SLCO5A1: variants seen among roughly 807,000 people sequenced by gnomAD.
The protein encoded by SLCO5A1 is solute carrier organic anion transporter family member 5A1.
Under a neutral mutation model 65.1 loss-of-function variants are expected in SLCO5A1, and 39 were observed. That is an observed-to-expected ratio of 0.60 (90% CI 0.46 to 0.78). The LOEUF (loss-of-function observed/expected upper bound fraction) is 0.78, where lower values mean the gene tolerates loss of function less well. SLCO5A1 is among the 30% of genes least tolerant of loss of function. SLCO5A1 has a pLI of 0.00. For synonymous variants in SLCO5A1, 438 were observed against 415.7 expected (o/e 1.05, Z -0.65); for missense variants, 1,029 against 1,069.4 (o/e 0.96, Z 0.53).
intron 2 of SLCO5A1, among the ~76,000 whole-genome samples, chr8:69,822,182 C>G (rs1486347182): frequency 6.6e-6 from 1 of 152,134 alleles, no homozygotes; most frequent in East Asian, 1.9e-4. Flanking sequence ...ATAATTACTT[C>G]CAAGTATGTC....
intron 6 of SLCO5A1, among the ~76,000 whole-genome samples, chr8:69,690,620 G>T (rs538552332): frequency 6.5e-4 from 99 of 152,278 alleles, no homozygotes; most frequent in African/African-American, 2.2e-3. Flanking sequence ...ATGTGGCAAA[G>T]GTCTGAATTA....
At chr8:69,783,928 T>C (rs1340588469) in intron 2 of SLCO5A1, among the ~76,000 whole-genome samples, 1 of 152,122 alleles carries the variant, frequency 6.6e-6, no homozygotes, top group African/African-American at 2.4e-5. Flanking sequence ...GCAATGTAAG[T>C]TCATCACTTG....
At position 69,694,013 on chromosome 8, in the gene SLCO5A1, T is replaced by G. The variant is rs147658652; in HGVS notation, c.1622+11018A>C. 2.5e-3 allele frequency among the ~76,000 whole-genome samples: 376 copies of G among 152,360 alleles called. 1 individual carries two copies. Among genetic ancestry groups the G allele is most frequent in the Non-Finnish European group, 3.9e-3 (264 of 68,038 alleles). On this transcript the variant is annotated intron_variant, in intron 6 of 9. Transcript: ENST00000260126. ...GATGTGAGAGCCACAGAGCAAATGC[T>G]GTAGGCATGCACAGCATGTAGCACG...
At chr8:69,737,689 T>C (rs1413811916) in intron 5 of SLCO5A1, among the ~76,000 whole-genome samples, 2 of 152,002 alleles carry the variant, frequency 1.3e-5, no homozygotes, top group East Asian at 3.9e-4. Flanking sequence ...AGGTTATCAA[T>C]TTTTTTTAAC....
chr8:69,691,034 G>C (rs868777416), intron 6 of SLCO5A1, among the ~76,000 whole-genome samples: 15 of 152,144 alleles, frequency 9.9e-5, no homozygotes, highest in Non-Finnish European at 7.4e-5. Flanking sequence ...AGAAAAGGCA[G>C]AGTGAGGGGC....
At chr8:69,714,364 G>A (rs943073239) in intron 5 of SLCO5A1, among the ~76,000 whole-genome samples, 19 of 152,180 alleles carry the variant, frequency 1.2e-4, no homozygotes, top group African/African-American at 3.4e-4. Flanking sequence ...GCCTGCATGC[G>A]TTGAGCATTT....
intron 2 of SLCO5A1, among the ~76,000 whole-genome samples, chr8:69,803,572 G>A (rs1177088063): frequency 6.6e-6 from 1 of 152,200 alleles, no homozygotes; most frequent in African/African-American, 2.4e-5. Context: ...CCAAACCAGG[G>A]ATATTAGCAT....
intron 4 of SLCO5A1, among the ~76,000 whole-genome samples, chr8:69,751,753 G>T (rs907679080): frequency 2.6e-5 from 4 of 152,116 alleles, no homozygotes; most frequent in Non-Finnish European, 2.9e-5. Context: ...TGCCATGTTG[G>T]CCAGGTTGGT....
intron 5 of SLCO5A1, among the ~76,000 whole-genome samples, chr8:69,715,686 C>A (rs917370161): frequency 6.6e-6 from 1 of 152,138 alleles, no homozygotes; most frequent in Non-Finnish European, 1.5e-5. Context: ...CCACTAAGGC[C>A]AGGTGGAAAT....
chr8:69,755,049 A>G (rs1817482627), intron 4 of SLCO5A1, among the ~76,000 whole-genome samples: 1 of 152,204 alleles, frequency 6.6e-6, no homozygotes, highest in African/African-American at 2.4e-5. Context: ...ATAGTAAATA[A>G]CATATATAGA....
intron 2 of SLCO5A1, among the ~76,000 whole-genome samples, chr8:69,815,647 A>AAC (rs55665513): frequency 0.051 from 7,156 of 141,164 alleles, 232 homozygotes; most frequent in Admixed American, 0.098. Flanking sequence ...GTAAAATATC[A>AAC]ACACACACAC....
At chr8:69,790,906 A>C (rs4360298) in intron 2 of SLCO5A1, among the ~76,000 whole-genome samples, 106,109 of 152,034 alleles carry the variant, frequency 0.7, 38,445 homozygotes, top group African/African-American at 0.91. Flanking sequence ...CCAGAAAGAA[A>C]AAAGGCCAGA....
At chr8:69,805,390 T>G (rs1819949522) in intron 2 of SLCO5A1, among the ~76,000 whole-genome samples, 1 of 152,126 alleles carries the variant, frequency 6.6e-6, no homozygotes, top group Non-Finnish European at 1.5e-5. Flanking sequence ...TCCCCAAGAC[T>G]CAAATAGGCT....
intron 2 of SLCO5A1, among the ~76,000 whole-genome samples, chr8:69,765,928 T>C (rs996877846): frequency 2.0e-5 from 3 of 152,214 alleles, no homozygotes; most frequent in Non-Finnish European, 2.9e-5. Flanking sequence ...CTGTAGACTC[T>C]TTTTTGTCTA....
At chr8:69,825,057 G>A (rs1272690402) in intron 2 of SLCO5A1, among the ~76,000 whole-genome samples, 1 of 152,132 alleles carries the variant, frequency 6.6e-6, no homozygotes, top group Non-Finnish European at 1.5e-5. Context: ...TGCAGAAAAG[G>A]CCTTTGACAA....
rs773508333 is a variant in SLCO5A1 at position 69,705,159 on chromosome 8, A to G, written c.1494T>C (p.Leu498=). Reference sequence around the variant, plus strand: ...CTAGTTTTGCAGATTCTCTGGCACCAAGTTTCAATTTTTTTATAATGTAGC... The same window carrying G: ...CTAGTTTTGCAGATTCTCTGGCACCGAGTTTCAATTTTTTTATAATGTAGC... ...LGGYIIKKLK[L]GARESAKLAM... Residue 498 remains leucine (L), a synonymous_variant, in exon 6 of 10, where the codon CTT becomes CTC. Transcript: ENST00000260126. 6.2e-7 allele frequency: 1 copy of G among 1,614,200 alleles called. No homozygotes were observed. The highest frequency in any genetic ancestry group is 8.5e-7 in the Non-Finnish European group (1 of 1,180,030).
At chr8:69,705,352 C>A (rs759767488) in intron 5 of SLCO5A1, 123 bp from the exon 6 acceptor site, 10 of 744,974 alleles carry the variant, frequency 1.3e-5, no homozygotes, top group Non-Finnish European at 2.0e-5. Context: ...ATCAATACAT[C>A]TTCATTGTGT....
chr8:69,742,794 CT>C (rs10633803), intron 4 of SLCO5A1, among the ~76,000 whole-genome samples: 271 of 83,168 alleles, frequency 3.3e-3, no homozygotes, highest in South Asian at 7.8e-3. Context: ...TGAGTGGATT[CT>C]TTTTTTTTTT....
Position 69,728,812 on chromosome 8 carries a change from C to G in SLCO5A1, c.1423+9228G>C, listed in dbSNP as rs377660672. On this transcript the variant is annotated intron_variant, in intron 5 of 9. Transcript: ENST00000260126. ...TAATATCAGAAAAGGTAAGTAATAA[C>G]TGTGATATTAACATTTGAAGTGCAA... is the stretch of plus-strand genomic sequence containing the variant. Among the ~76,000 whole-genome samples, 50 of 151,356 alleles carry G rather than the reference C, an allele frequency of 3.3e-4. No individual in the cohort carries two copies. In the South Asian group the frequency reaches 4.1e-3, roughly 13 times the overall value.
Sources: allele counts gnomAD v4.1 joint callset (sites outside exome capture counted in the v4.1 genomes callset), GRCh38; gene constraint gnomAD v4.1.1; transcripts MANE v1.5; gene names NCBI Gene and HGNC (gene_info 2026-07-23, HGNC 2026-07-21).